Variants in CCDC68 observed in about 807,000 individuals in gnomAD.
The protein encoded by CCDC68 is coiled-coil domain-containing protein 68.
In CCDC68, 45 loss-of-function variants were observed where a neutral mutation model predicts 47.1. The ratio of observed to expected loss-of-function variants is 0.96; its 90% CI spans 0.75 to 1.23. The LOEUF (loss-of-function observed/expected upper bound fraction) is 1.23. Among genes scored for constraint, CCDC68 ranks in the 50% most tolerant of loss-of-function variants. CCDC68 has a pLI of 0.00. For missense variants in CCDC68, 353 were observed against 373.6 expected (o/e 0.94, Z 0.45); for synonymous variants, 131 against 129.5 (o/e 1.01, Z -0.08).
At chr18:54,928,132 T>A (rs114514742) in intron 8 of CCDC68, among the ~76,000 whole-genome samples, 2,468 of 152,248 alleles carry the variant, frequency 0.016, 54 homozygotes, top group African/African-American at 0.052. Context: ...TAGAATTTTT[T>A]AAAAATAAAG....
chr18:54,957,669 C>T (rs1278733721), intron 1 of CCDC68, among the ~76,000 whole-genome samples: 3 of 147,902 alleles, frequency 2.0e-5, no homozygotes, highest in Non-Finnish European at 4.5e-5. Context: ...ATTTTCCAAA[C>T]CTATATAAAT....
At chr18:54,933,717 T>C (rs2044301164) in intron 7 of CCDC68, among the ~76,000 whole-genome samples, 1 of 152,230 alleles carries the variant, frequency 6.6e-6, no homozygotes, top group African/African-American at 2.4e-5. Context: ...AACCCAGTGA[T>C]TCTGCTAAAG....
intron 1 of CCDC68, among the ~76,000 whole-genome samples, chr18:54,955,145 G>A (rs150450407): frequency 1.0e-3 from 159 of 152,176 alleles, no homozygotes; most frequent in African/African-American, 3.8e-3. Flanking sequence ...ACACAGTGAT[G>A]CCCCATCTAT....
chr18:54,916,296 A>G (rs1486073701), intron 10 of CCDC68, among the ~76,000 whole-genome samples: 2 of 152,202 alleles, frequency 1.3e-5, no homozygotes, highest in African/African-American at 4.8e-5. Context: ...CCTCAAAACC[A>G]AAAGAGAACA....
intron 10 of CCDC68, among the ~76,000 whole-genome samples, chr18:54,917,048 T>C (rs1442523446): frequency 6.6e-6 from 1 of 152,192 alleles, no homozygotes; most frequent in Admixed American, 6.5e-5. Flanking sequence ...TAAACTTCTT[T>C]TTCTTTATAA....
chr18:54,939,639 C>T (rs1393862372), intron 4 of CCDC68, among the ~76,000 whole-genome samples: 2 of 152,078 alleles, frequency 1.3e-5, no homozygotes, highest in South Asian at 4.1e-4. Context: ...AACACAGTGT[C>T]GTCACCATTC....
Position 54,901,953 on chromosome 18 carries a change from C to A in CCDC68, c.*2405G>T, listed in dbSNP as rs1913710211. On this transcript the variant is annotated 3_prime_UTR_variant, in exon 12 of 12. Transcript: ENST00000591504. ...TATGATAGTGGATATAGGAAACAAT[C>A]CATACATGACGAATAAATGATAAGG... The A allele has an allele frequency of 6.6e-6, 1 of 151,562 alleles. No individual in the cohort carries two copies. The highest frequency in any genetic ancestry group is 2.1e-4 in the South Asian group (1 of 4,782). 9.4% of individuals were successfully genotyped at this position (151,562 alleles called of 1,614,324 possible).
chr18:54,928,737 G>C, intron 8 of CCDC68, 63 bp downstream of exon 8: 1 of 998,100 alleles, frequency 1.0e-6, no homozygotes, highest in Non-Finnish European at 1.6e-6. Flanking sequence ...TTCCCTGGCT[G>C]GCATACCAGT....
At chr18:54,951,271 A>T (rs1356001232) in intron 1 of CCDC68, among the ~76,000 whole-genome samples, 2 of 152,270 alleles carry the variant, frequency 1.3e-5, no homozygotes, top group East Asian at 3.9e-4. Flanking sequence ...AAACATTGAA[A>T]AACAGCTGAA....
chr18:54,955,274 A>T (rs187653956), intron 1 of CCDC68, among the ~76,000 whole-genome samples: 1 of 152,192 alleles, frequency 6.6e-6, no homozygotes, highest in South Asian at 2.1e-4. Flanking sequence ...TCAGTGAGCT[A>T]GGATCCTGAC....
chr18:54,943,982 C>G (rs935399959), intron 2 of CCDC68, among the ~76,000 whole-genome samples: 1 of 151,946 alleles, frequency 6.6e-6, no homozygotes, highest in Non-Finnish European at 1.5e-5. Context: ...ATGGTGGAAC[C>G]CCGTCTCTAC....
At chr18:54,926,528 T>A (rs1291032439) in intron 8 of CCDC68, among the ~76,000 whole-genome samples, 1 of 152,200 alleles carries the variant, frequency 6.6e-6, no homozygotes, top group Non-Finnish European at 1.5e-5. Flanking sequence ...GATTCTCATC[T>A]TTTCGGGTGG....
At chr18:54,928,612 C>T (rs2044186603) in intron 8 of CCDC68, among the ~76,000 whole-genome samples, 188 bp downstream of exon 8, 1 of 152,142 alleles carries the variant, frequency 6.6e-6, no homozygotes, top group Admixed American at 6.5e-5. Flanking sequence ...CCCTGTGATT[C>T]CTCTGAGTTT....
At chr18:54,953,434 G>A (rs2044652259) in intron 1 of CCDC68, among the ~76,000 whole-genome samples, 1 of 152,098 alleles carries the variant, frequency 6.6e-6, no homozygotes, top group Non-Finnish European at 1.5e-5. Context: ...GTAACTGGAA[G>A]CCAAAATTAA....
rs569817504 is a variant in CCDC68 at position 54,925,382 on chromosome 18, T to C, written c.683+3418A>G. On this transcript the variant is annotated intron_variant, in intron 8 of 11. Coordinates refer to ENST00000591504, the MANE Select transcript of CCDC68 (RefSeq NM_025214.3). ...ACAAAGGGCATGAATAGCCTGAGCA[T>C]GGCCATATTTACACAACTCAAGAAT... 2.0e-5 allele frequency among the ~76,000 whole-genome samples: 3 copies of C among 152,328 alleles called. No individual in the cohort carries two copies. In the East Asian group the frequency reaches 5.8e-4, roughly 29 times the overall value.
intron 10 of CCDC68, among the ~76,000 whole-genome samples, chr18:54,912,794 A>G (rs1338157710): frequency 6.6e-6 from 1 of 152,134 alleles, no homozygotes; most frequent in Non-Finnish European, 1.5e-5. Flanking sequence ...GGCAGAAGGG[A>G]AAGGAGACGC....
chr18:54,931,426 T>C (rs1199456601), intron 7 of CCDC68, among the ~76,000 whole-genome samples: 2 of 152,168 alleles, frequency 1.3e-5, no homozygotes, highest in Non-Finnish European at 1.5e-5. Context: ...AGGGCACCAA[T>C]TTCAATCATT....
intron 1 of CCDC68, among the ~76,000 whole-genome samples, chr18:54,947,098 C>G (rs1161769558): frequency 6.6e-6 from 1 of 152,162 alleles, no homozygotes; most frequent in Admixed American, 6.5e-5. Flanking sequence ...GTCCAAATTG[C>G]CATATGGCAT....
intron 7 of CCDC68, among the ~76,000 whole-genome samples, chr18:54,934,364 T>G (rs896756776): frequency 6.6e-6 from 1 of 152,228 alleles, no homozygotes; most frequent in African/African-American, 2.4e-5. Flanking sequence ...GTATCTCTCC[T>G]AGTGCAGCCG....
Sources: allele counts gnomAD v4.1 joint callset (sites outside exome capture counted in the v4.1 genomes callset), GRCh38; gene constraint gnomAD v4.1.1; transcripts MANE v1.5; gene names NCBI Gene and HGNC (gene_info 2026-07-23, HGNC 2026-07-21).